SLC29A3: variants seen among roughly 807,000 people sequenced by gnomAD.
SLC29A3 encodes the protein solute carrier family 29 member 3.
In SLC29A3, 18 loss-of-function variants were observed where a neutral mutation model predicts 25.4. That is an observed-to-expected ratio of 0.71 (90% CI 0.49 to 1.05). SLC29A3 has a LOEUF of 1.05. Among genes scored for constraint, SLC29A3 ranks in the 50% least tolerant of loss-of-function variants. SLC29A3 has a pLI of 0.00. For synonymous variants in SLC29A3, 258 were observed against 267.1 expected (o/e 0.97, Z 0.33); for missense variants, 586 against 609.0 (o/e 0.96, Z 0.40).
chr10:71,324,659 G>A (rs148915384), intron 2 of SLC29A3, among the ~76,000 whole-genome samples: 11 of 152,312 alleles, frequency 7.2e-5, no homozygotes, highest in African/African-American at 2.6e-4. Flanking sequence ...TGATTACAGG[G>A]AGAGCTGGGT....
intron 3 of SLC29A3, among the ~76,000 whole-genome samples, chr10:71,349,430 C>A (rs569118344): frequency 5.9e-5 from 9 of 152,238 alleles, no homozygotes; most frequent in Non-Finnish European, 1.2e-4. Context: ...CTTCTCTCCA[C>A]GGCTCCCATG....
At chr10:71,370,602 A>G (rs1299513274) in intron 3 of SLC29A3, among the ~76,000 whole-genome samples, 2 of 152,142 alleles carry the variant, frequency 1.3e-5, no homozygotes, top group African/African-American at 4.8e-5. Context: ...AAGTGCAATC[A>G]TAGCTCACTG....
At chr10:71,379,338 C>A (rs1344640223) in intron 4 of SLC29A3, among the ~76,000 whole-genome samples, 22 of 152,206 alleles carry the variant, frequency 1.4e-4, no homozygotes, top group Admixed American at 1.4e-3. Context: ...CAAAGGGAGT[C>A]ACCCATGCTA....
chr10:71,371,483 C>CTA (rs1847210534), intron 3 of SLC29A3, among the ~76,000 whole-genome samples: 1 of 152,170 alleles, frequency 6.6e-6, no homozygotes, highest in South Asian at 2.1e-4. Flanking sequence ...GGGAGAGGGG[C>CTA]TATAGCTTAC....
intron 5 of SLC29A3, among the ~76,000 whole-genome samples, chr10:71,358,959 G>A (rs1846985812): frequency 6.6e-6 from 1 of 152,060 alleles, no homozygotes; most frequent in Non-Finnish European, 1.5e-5. Flanking sequence ...CGCCCAGGTT[G>A]GAGTGCAGTG....
Position 71,363,260 on chromosome 10 carries a change from A to G in SLC29A3, c.*652A>G. On this transcript the variant is annotated 3_prime_UTR_variant, in exon 6 of 6. Coordinates refer to ENST00000373189, the MANE Select transcript of SLC29A3 (RefSeq NM_018344.6). ...CAAGCATGTCTGGCCTGGGTTTTCA[A>G]AAAAAGAGGGATCCTCATGACCTGG... 2 of 454,146 alleles carry G rather than the reference A, an allele frequency of 4.4e-6. No individual in the cohort carries two copies. Among genetic ancestry groups the G allele is most frequent in the South Asian group, 3.1e-5 (2 of 64,470 alleles). 28.1% of individuals were successfully genotyped at this position (454,146 alleles called of 1,614,324 possible). A position where few individuals can be genotyped will look rare whatever the true frequency, so the allele number is the denominator to read the frequency against.
intron 5 of SLC29A3, 121 bp from the exon 6 acceptor site, chr10:71,361,833 C>A: frequency 8.8e-7 from 1 of 1,130,948 alleles, no homozygotes; most frequent in Non-Finnish European, 1.3e-6. Flanking sequence ...GAGCTGTGGG[C>A]ATACGGGGCT....
chr10:71,322,221 T>C (rs1037814661), intron 1 of SLC29A3, among the ~76,000 whole-genome samples: 1 of 152,116 alleles, frequency 6.6e-6, no homozygotes, highest in African/African-American at 2.4e-5. Flanking sequence ...TCTGTGCATA[T>C]ACAAATACAT....
downstream of SLC29A3, among the ~76,000 whole-genome samples, chr10:71,367,113 G>A (rs1847176724): frequency 6.6e-6 from 1 of 152,178 alleles, no homozygotes; most frequent in African/African-American, 2.4e-5. Flanking sequence ...TAGGGGAATG[G>A]CTTTCAAAGA....
At chr10:71,340,348 A>G (rs1846368945) in intron 2 of SLC29A3, among the ~76,000 whole-genome samples, 1 of 152,206 alleles carries the variant, frequency 6.6e-6, no homozygotes, top group Non-Finnish European at 1.5e-5. Context: ...ACAAGCCTAC[A>G]GGTCTGGTGC....
intron 2 of SLC29A3, among the ~76,000 whole-genome samples, chr10:71,335,469 T>C (rs1846224075): frequency 6.6e-6 from 1 of 152,082 alleles, no homozygotes; most frequent in South Asian, 2.1e-4. Flanking sequence ...GGCTGATTTA[T>C]AAGGCGCAGA....
intron 2 of SLC29A3, among the ~76,000 whole-genome samples, chr10:71,341,915 C>T (rs569831899): frequency 5.3e-5 from 8 of 152,336 alleles, no homozygotes; most frequent in African/African-American, 1.9e-4. Context: ...TGGAGACCGC[C>T]CTCAGCAACT....
In SLC29A3 at chr10:71,357,218, A is replaced by C. The variant is rs1846937462; in HGVS notation, c.773+975A>C. Among the ~76,000 whole-genome samples, 3 of 152,140 alleles carry C rather than the reference A, an allele frequency of 2.0e-5. No homozygotes were observed. In the South Asian group the frequency reaches 6.2e-4, roughly 32 times the overall value. On this transcript the variant is annotated intron_variant, in intron 5 of 5. Coordinates refer to ENST00000373189, the MANE Select transcript of SLC29A3 (RefSeq NM_018344.6). The stretch of plus-strand genomic sequence containing the variant: ...ATCATCAGGTCAGGAGATCGAGACC[A>C]TCCTGGCTAACACAGTGAAACCCCA...
At chr10:71,325,915 C>CTTTT (rs5786034) in intron 2 of SLC29A3, among the ~76,000 whole-genome samples, 3 of 122,640 alleles carry the variant, frequency 2.4e-5, no homozygotes, top group Non-Finnish European at 4.9e-5. Flanking sequence ...TATATTAGTA[C>CTTTT]TTTTTTTTTT....
intron 2 of SLC29A3, among the ~76,000 whole-genome samples, chr10:71,340,918 A>C (rs1373382546): frequency 6.6e-6 from 1 of 152,186 alleles, no homozygotes; most frequent in Non-Finnish European, 1.5e-5. Context: ...AAAGGGAAGT[A>C]GGGCTGGGAC....
intron 3 of SLC29A3, among the ~76,000 whole-genome samples, chr10:71,345,645 C>T (rs147381028): frequency 1.4e-5 from 2 of 145,734 alleles, no homozygotes; most frequent in African/African-American, 5.2e-5. Flanking sequence ...CTCTCACCAG[C>T]CAACTGGCCT....
chr10:71,346,404 A>C (rs1846582276), intron 3 of SLC29A3, among the ~76,000 whole-genome samples: 1 of 152,170 alleles, frequency 6.6e-6, no homozygotes, highest in Non-Finnish European at 1.5e-5. Flanking sequence ...GGTGGCCATT[A>C]AGGATGGAGC....
At chr10:71,375,947 G>A (rs1025471160) in intron 4 of SLC29A3, 3 of 152,232 alleles carry the variant, frequency 2.0e-5, no homozygotes, top group African/African-American at 7.2e-5. Context: ...TAAATTGAGG[G>A]CAGAAAGCTG....
intron 1 of SLC29A3, 132 bp from the exon 2 acceptor site, chr10:71,322,624 G>T: frequency 1.9e-6 from 2 of 1,058,414 alleles, no homozygotes; most frequent in Non-Finnish European, 2.9e-6. Flanking sequence ...TCTCCAACCA[G>T]GCTTTGGTGA....
Sources: gnomAD v4.1 joint callset for allele counts (sites outside exome capture counted in the v4.1 genomes callset) on GRCh38, gnomAD v4.1.1 for gene constraint, MANE v1.5 for transcripts, NCBI Gene and HGNC (gene_info 2026-07-23, HGNC 2026-07-21) for gene names.